PSMA2: variants seen among roughly 807,000 people sequenced by gnomAD.
The protein encoded by PSMA2 is proteasome 20S subunit alpha 2.
In PSMA2, 2 loss-of-function variants were observed where a neutral mutation model predicts 35.9. That is an observed-to-expected ratio of 0.06 (90% CI 0.02 to 0.18). PSMA2 has a LOEUF of 0.18. PSMA2 is among the 10% of genes least tolerant of loss of function. PSMA2 has a pLI of 1.00. For synonymous variants in PSMA2, 97 were observed against 98.2 expected (o/e 0.99, Z 0.07); for missense variants, 126 against 278.8 (o/e 0.45, Z 3.90).
intron 5 of PSMA2, 58 bp downstream of exon 5, chr7:42,923,267 G>A: frequency 5.5e-6 from 7 of 1,280,576 alleles, no homozygotes; most frequent in Non-Finnish European, 7.9e-6. Flanking sequence ...TTCTATTTCT[G>A]TTAGATATTC....
chr7:42,919,766 G>T (rs935856886), intron 6 of PSMA2: 4 of 638,820 alleles, frequency 6.3e-6, no homozygotes, highest in Middle Eastern at 4.7e-4. Context: ...CTTGTTGCAG[G>T]TGGTGAAGAT....
intron 5 of PSMA2, among the ~76,000 whole-genome samples, chr7:42,923,048 T>A (rs1004934428): frequency 6.6e-6 from 1 of 152,138 alleles, no homozygotes; most frequent in Non-Finnish European, 1.5e-5. Context: ...AAGTAACAGG[T>A]TTAAATACAT....
At chr7:42,918,475 G>T (rs945368223) in intron 6 of PSMA2, 1 of 152,250 alleles carries the variant, frequency 6.6e-6, no homozygotes, top group Non-Finnish European at 1.5e-5. Flanking sequence ...GCCGATACCA[G>T]TGTGGACGGT....
rs767232925 is a variant in PSMA2 at position 42,924,665 on chromosome 7, A to G, written c.374+10T>C. 9.3e-6 allele frequency: 15 copies of G among 1,605,122 alleles called. No homozygotes were observed. In the South Asian group the frequency reaches 1.1e-4, roughly 12 times the overall value. On this transcript the variant is annotated intron_variant, in intron 4 of 7. Transcript: ENST00000223321. ...TTCATGGCACATTTCAAGTAAAAAA[A>G]GCAACTTACCCTGACTGAGTATATT...
chr7:42,931,686 T>G (rs1163341583), intron 1 of PSMA2, among the ~76,000 whole-genome samples: 3 of 150,078 alleles, frequency 2.0e-5, no homozygotes, highest in Admixed American at 1.3e-4. Flanking sequence ...AAGCTGAGAG[T>G]TTTCCAAGAA....
chr7:42,927,953 G>A (rs1392394481), intron 1 of PSMA2, among the ~76,000 whole-genome samples: 3 of 151,894 alleles, frequency 2.0e-5, no homozygotes, highest in Non-Finnish European at 4.4e-5. Context: ...AGTTTACAAG[G>A]CAATTGGAAC....
Position 42,927,371 on chromosome 7 carries a change from G to C in PSMA2, c.118+12C>G, listed in dbSNP as rs1786230409. ...CTAACAGGCATCTGAAATGAATGAA[G>C]CATTTCATTACCTTTAATTCCCACG... is the stretch of plus-strand genomic sequence containing the variant. On this transcript the variant is annotated intron_variant, in intron 2 of 7. Coordinates refer to ENST00000223321, the MANE Select transcript of PSMA2 (RefSeq NM_002787.5). The C allele has an allele frequency of 6.2e-7, 1 of 1,603,676 alleles. No individual in the cohort carries two copies.
At position 42,932,172 on chromosome 7, in the gene PSMA2, G is replaced by T. The variant is rs201474457; in HGVS notation, c.-14C>A. The T allele has an allele frequency of 4.3e-4, 702 of 1,614,076 alleles. 1 individual carries two copies. The highest frequency in any genetic ancestry group is 2.1e-3 in the Middle Eastern group (13 of 6,062). On this transcript the variant is annotated 5_prime_UTR_variant, in exon 1 of 8. Transcript: ENST00000223321. Reference sequence around the variant, plus strand: ...GCGCTCCGCCATCTTTACCCGAAGAGCCAAAGCACAGCCGCACACATGCGC... The same window carrying T: ...GCGCTCCGCCATCTTTACCCGAAGATCCAAAGCACAGCCGCACACATGCGC...
At chr7:42,929,048 G>A (rs1352514730) in intron 1 of PSMA2, among the ~76,000 whole-genome samples, 1 of 151,920 alleles carries the variant, frequency 6.6e-6, no homozygotes, top group East Asian at 1.9e-4. Flanking sequence ...CTCGTCTCAA[G>A]CAATCCTCCT....
At chr7:42,917,730 G>C in intron 7 of PSMA2, 40 bp from the exon 8 acceptor site, 1 of 1,609,476 alleles carries the variant, frequency 6.2e-7, no homozygotes, top group Non-Finnish European at 8.5e-7. Context: ...TTTCTAAGCA[G>C]TTAATCATGA....
At chr7:42,926,467 T>C (rs1166545111) in intron 3 of PSMA2, 69 bp downstream of exon 3, 1 of 1,439,648 alleles carries the variant, frequency 6.9e-7, no homozygotes, top group Non-Finnish European at 9.1e-7. Flanking sequence ...ACCTTGGTTT[T>C]TCTCCTGAAA....
At chr7:42,925,584 T>TG (rs1786199513) in intron 3 of PSMA2, among the ~76,000 whole-genome samples, 1 of 152,226 alleles carries the variant, frequency 6.6e-6, no homozygotes, top group Non-Finnish European at 1.5e-5. Flanking sequence ...TGACCCTGTC[T>TG]CTTAAAATTT....
intron 4 of PSMA2, among the ~76,000 whole-genome samples, chr7:42,924,353 C>CAAAA (rs58198756): frequency 2.2e-4 from 15 of 69,418 alleles, no homozygotes; most frequent in African/African-American, 8.0e-4. Flanking sequence ...GACTCTGACT[C>CAAAA]AAAAAAAAAA....
intron 1 of PSMA2, among the ~76,000 whole-genome samples, chr7:42,928,930 T>C (rs765053780): frequency 1.8e-4 from 27 of 152,196 alleles, no homozygotes; most frequent in Admixed American, 3.3e-4. Flanking sequence ...CACTGATGCC[T>C]GTGATGTCCT....
Position 42,926,669 on chromosome 7 carries a change from CT to C in PSMA2, c.119-2del, listed in dbSNP as rs1408162902. ...GTTGCTAATACCACACCATTTGCAG[CT>C]TAAAAAAAAAGAGAGAGACATAAAT... On this transcript the variant is annotated splice_acceptor_variant, in intron 2 of 7. Transcript: ENST00000223321. LOFTEE classifies it high-confidence loss of function. The C allele has an allele frequency of 1.9e-6, 3 of 1,582,054 alleles. No homozygotes were observed. Among genetic ancestry groups the C allele is most frequent in the African/African-American group, 2.8e-5 (2 of 72,470 alleles).
intron 3 of PSMA2, among the ~76,000 whole-genome samples, chr7:42,925,616 CAA>C (rs1349180545): frequency 2.0e-5 from 3 of 152,042 alleles, no homozygotes; most frequent in Non-Finnish European, 4.4e-5. Flanking sequence ...TAAAATTTGT[CAA>C]AAGAGATTAA....
chr7:42,921,017 AAC>A (rs1786121284), intron 6 of PSMA2: 1 of 152,064 alleles, frequency 6.6e-6, no homozygotes, highest in Admixed American at 6.6e-5. Context: ...AGGGAAGAAG[AAC>A]TGAAGGAAGT....
intron 4 of PSMA2, 112 bp downstream of exon 4, chr7:42,924,563 A>T: frequency 9.3e-7 from 1 of 1,077,014 alleles, no homozygotes; most frequent in Non-Finnish European, 1.3e-6. Flanking sequence ...GATTCTGTCC[A>T]CTTGTTAAGC....
At chr7:42,930,206 AACACACACACACACACACGCACACAC>A (rs1359054094) in intron 1 of PSMA2, among the ~76,000 whole-genome samples, 5 of 149,214 alleles carry the variant, frequency 3.4e-5, no homozygotes, top group East Asian at 2.0e-4. Flanking sequence ...ACCATGTTAA[AACACACACACACACACACGCACACAC>A]ACACACACAC....
Sources: allele counts gnomAD v4.1 joint callset (sites outside exome capture counted in the v4.1 genomes callset), GRCh38; gene constraint gnomAD v4.1.1; transcripts MANE v1.5; gene names NCBI Gene and HGNC (gene_info 2026-07-23, HGNC 2026-07-21).